The following SYT1 variants were observed in gnomAD, a reference collection of about 807,000 sequenced individuals.
SYT1 encodes synaptotagmin-1.
SYT1 carries 8 observed loss-of-function variants against 44.8 expected under a neutral mutation model. The observed-to-expected ratio is 0.18, with a 90% CI of 0.10 to 0.32. The LOEUF is 0.32. Ranked by LOEUF, SYT1 falls within the 10% of genes least tolerant of loss-of-function variation. The pLI is 1.00. For synonymous variants in SYT1, 154 were observed against 188.8 expected, an observed-to-expected ratio of 0.82 and a Z score of 1.51; for missense variants, 286 against 509.3, an observed-to-expected ratio of 0.56 and a Z score of 4.22.
chr12:79,038,214 CAT>C (rs1173359356), intron 2 of SYT1, among the ~76,000 whole-genome samples: 1 of 150,350 alleles, frequency 6.7e-6, no homozygotes, highest in East Asian at 2.0e-4. Flanking sequence ...TATATACACA[CAT>C]ATATATATAC....
intron 3 of SYT1, among the ~76,000 whole-genome samples, chr12:79,216,118 A>G (rs1260288585): frequency 2.6e-5 from 4 of 151,626 alleles, no homozygotes; most frequent in Non-Finnish European, 4.4e-5. Flanking sequence ...TTTAGTAGAG[A>G]TGAGGTTTCT....
At chr12:78,938,278 C>G (rs1026566960) in intron 1 of SYT1, among the ~76,000 whole-genome samples, 4 of 152,042 alleles carry the variant, frequency 2.6e-5, no homozygotes, top group Admixed American at 1.3e-4. Flanking sequence ...CAGCCATCAG[C>G]GAGTAAGTCC....
chr12:79,309,752 T>C (rs1880672906), intron 8 of SYT1, among the ~76,000 whole-genome samples: 2 of 152,236 alleles, frequency 1.3e-5, no homozygotes, highest in Admixed American at 1.3e-4. Flanking sequence ...TTCTAACAAC[T>C]AGTTTTAATG....
At position 79,170,490 on chromosome 12, in the gene SYT1, T is replaced by C. The variant is rs143923911; in HGVS notation, c.-17-47013T>C. Among the ~76,000 whole-genome samples the C allele has an allele frequency of 7.1e-3, 1,083 of 152,252 alleles. 11 individuals are homozygous for C. The highest frequency in any genetic ancestry group is 0.024 in the African/African-American group (1,011 of 41,568). On this transcript the variant is annotated intron_variant, in intron 3 of 10. Transcript: ENST00000261205. ...TTTATATGATTTTTGGCCACATGTATGTCTTCTTTTGAAAAGGGTCTGTTC... is the reference window on the plus strand; with the variant it reads ...TTTATATGATTTTTGGCCACATGTACGTCTTCTTTTGAAAAGGGTCTGTTC...
chr12:78,939,791 G>A (rs1878254100), intron 1 of SYT1, among the ~76,000 whole-genome samples: 1 of 152,164 alleles, frequency 6.6e-6, no homozygotes, highest in Non-Finnish European at 1.5e-5. Flanking sequence ...TACAGTCTCA[G>A]ATCAGCAATG....
intron 2 of SYT1, among the ~76,000 whole-genome samples, chr12:79,034,493 A>G (rs1873003693): frequency 1.3e-5 from 2 of 151,762 alleles, no homozygotes; most frequent in African/African-American, 4.8e-5. Flanking sequence ...TACAAACAGA[A>G]TTGAATTTAG....
intron 3 of SYT1, among the ~76,000 whole-genome samples, chr12:79,095,655 T>TA (rs1465063582): frequency 6.6e-6 from 1 of 151,914 alleles, no homozygotes; most frequent in African/African-American, 2.4e-5. Context: ...GGCAGAGATC[T>TA]GGGAATACTG....
intron 3 of SYT1, among the ~76,000 whole-genome samples, chr12:79,111,204 G>A (rs1398674842): frequency 6.6e-6 from 1 of 152,048 alleles, no homozygotes; most frequent in African/African-American, 2.4e-5. Flanking sequence ...GAGGTGGGGG[G>A]CAGTGGAATA....
chr12:79,401,375 C>T (rs1459437395), intron 9 of SYT1, among the ~76,000 whole-genome samples: 1 of 151,414 alleles, frequency 6.6e-6, no homozygotes, highest in East Asian at 2.0e-4. Context: ...GCTGGGGAGA[C>T]AAAGCGAGAC....
At chr12:79,171,324 G>A (rs1371511824) in intron 3 of SYT1, among the ~76,000 whole-genome samples, 3 of 152,040 alleles carry the variant, frequency 2.0e-5, no homozygotes, top group Admixed American at 2.0e-4. Context: ...CTCTCCATGA[G>A]CATGGAATGT....
At chr12:78,959,675 A>G (rs142154126) in intron 1 of SYT1, among the ~76,000 whole-genome samples, 198 of 152,332 alleles carry the variant, frequency 1.3e-3, no homozygotes, top group Non-Finnish European at 2.6e-3. Context: ...AACAGCTGTC[A>G]GGGCTTCTTA....
At chr12:79,310,787 G>A (rs1256380220) in intron 8 of SYT1, among the ~76,000 whole-genome samples, 2 of 152,132 alleles carry the variant, frequency 1.3e-5, no homozygotes, top group East Asian at 1.9e-4. Context: ...ATTGTGAATG[G>A]GAGTTCACTC....
intron 1 of SYT1, among the ~76,000 whole-genome samples, chr12:78,945,839 T>A (rs904035061): frequency 1.3e-5 from 2 of 152,138 alleles, no homozygotes; most frequent in African/African-American, 4.8e-5. Flanking sequence ...GCCTCACACA[T>A]ATCCTACCTA....
intron 7 of SYT1, among the ~76,000 whole-genome samples, chr12:79,297,562 T>G (rs1344445371): frequency 6.6e-6 from 1 of 152,088 alleles, no homozygotes. Context: ...GCTAATAATT[T>G]TATTAGTAAT....
At chr12:79,209,865 A>G (rs1874336879) in intron 3 of SYT1, among the ~76,000 whole-genome samples, 2 of 152,144 alleles carry the variant, frequency 1.3e-5, no homozygotes, top group East Asian at 1.9e-4. Context: ...CTTCCATAAT[A>G]TCTCCCAGCT....
intron 9 of SYT1, among the ~76,000 whole-genome samples, chr12:79,386,310 GT>G (rs34423509): frequency 0.56 from 83,010 of 147,768 alleles, 25,587 homozygotes; most frequent in Non-Finnish European, 0.69. Context: ...ACATTTTTGG[GT>G]TTTTTTTTTT....
rs371833375 is a variant in SYT1 at position 79,178,948 on chromosome 12, A to ATCTATATG, written c.-17-38555_-17-38554insTCTATATG. 9.4e-5 allele frequency among the ~76,000 whole-genome samples: 5 copies of ATCTATATG among 53,284 alleles called. 1 individual carries two copies. The highest frequency in any genetic ancestry group is 1.8e-4 in the Non-Finnish European group (5 of 28,128). 35.0% of individuals were successfully genotyped at this position (53,284 alleles called of 152,430 possible). A position where few individuals can be genotyped will look rare whatever the true frequency, so the allele number is the denominator to read the frequency against. ...GATATATCTATATAGATATAGATATAGATATAGATATAGATATAGATATAT... is the reference window on the plus strand; with the variant it reads ...GATATATCTATATAGATATAGATATATCTATATGGATATAGATATAGATATAGATATAT... On this transcript the variant is annotated intron_variant, in intron 3 of 10. Coordinates refer to ENST00000261205, the MANE Select transcript of SYT1 (RefSeq NM_005639.3).
intron 9 of SYT1, among the ~76,000 whole-genome samples, chr12:79,410,653 T>A (rs1256891442): frequency 6.6e-6 from 1 of 152,188 alleles, no homozygotes; most frequent in Non-Finnish European, 1.5e-5. Flanking sequence ...GCCTCTGTAT[T>A]TTAATAAGCT....
chr12:78,962,014 T>A (rs1879530122), intron 1 of SYT1, among the ~76,000 whole-genome samples: 1 of 152,136 alleles, frequency 6.6e-6, no homozygotes, highest in Non-Finnish European at 1.5e-5. Context: ...ATGTATCGGA[T>A]TATGTTGTTT....
Sources: gnomAD v4.1 joint callset for allele counts (sites outside exome capture counted in the v4.1 genomes callset) on GRCh38, gnomAD v4.1.1 for gene constraint, MANE v1.5 for transcripts, NCBI Gene and HGNC (gene_info 2026-07-23, HGNC 2026-07-21) for gene names.